DYM: variants seen among roughly 807,000 people sequenced by gnomAD.
DYM encodes the protein dymeclin.
In DYM, 78 loss-of-function variants were observed where a neutral mutation model predicts 93.1. That is an observed-to-expected ratio of 0.84 (90% CI 0.70 to 1.01). DYM has a LOEUF of 1.01. DYM is among the 50% of genes least tolerant of loss of function. The pLI is 0.00. For missense variants in DYM, 789 were observed against 845.0 expected (o/e 0.93, Z 0.82); for synonymous variants, 321 against 319.7 (o/e 1.00, Z -0.04).
intron 15 of DYM, among the ~76,000 whole-genome samples, chr18:49,136,085 G>A (rs181441638): frequency 3.3e-5 from 5 of 152,362 alleles, no homozygotes; most frequent in East Asian, 1.9e-4. Context: ...ATTAGAGCAA[G>A]GGATCACTGA....
intron 2 of DYM, among the ~76,000 whole-genome samples, chr18:49,425,528 G>T (rs1407862722): frequency 1.3e-5 from 2 of 152,040 alleles, no homozygotes; most frequent in Non-Finnish European, 2.9e-5. Context: ...GGCAACAAAA[G>T]CCAAAATTGA....
intron 15 of DYM, among the ~76,000 whole-genome samples, chr18:49,132,025 T>C (rs974373043): frequency 1.5e-4 from 23 of 152,334 alleles, no homozygotes; most frequent in African/African-American, 5.5e-4. Flanking sequence ...TTTTAACACA[T>C]TGCCAACAGC....
At chr18:49,441,311 A>AATTATATTAT (rs1568455312) in intron 1 of DYM, among the ~76,000 whole-genome samples, 3 of 34,382 alleles carry the variant, frequency 8.7e-5, no homozygotes, top group African/African-American at 1.8e-4. Context: ...ATATATAATT[A>AATTATATTAT]ATATATAATT....
rs969816483 is a variant in DYM at position 49,379,584 on chromosome 18, C to T, written c.287+81G>A. ...CTTCACAGAGATTTTCAAAAGACCA[C>T]AGTCCATTTCCATCAATAAATGAAA... On this transcript the variant is annotated intron_variant, in intron 4 of 17. Coordinates refer to ENST00000675505, the MANE Select transcript of DYM (RefSeq NM_001353214.3). The T allele has an allele frequency of 9.5e-5, 112 of 1,174,320 alleles. No homozygotes were observed. The East Asian group carries it at 2.6e-3, about 27-fold the overall frequency. The allele number at this position is 1,174,320 out of a possible 1,614,324, so 72.7% of individuals were successfully genotyped here.
chr18:49,382,102 C>T (rs993736953), intron 3 of DYM, among the ~76,000 whole-genome samples: 1 of 151,986 alleles, frequency 6.6e-6, no homozygotes, highest in Middle Eastern at 3.2e-3. Context: ...ACTGAATGGC[C>T]TTGTAATTGT....
chr18:49,373,859 C>T lies in DYM; in HGVS notation c.421+4708G>A, dbSNP rs143387242. Among the ~76,000 whole-genome samples, 441 of 152,262 alleles carry T rather than the reference C, an allele frequency of 2.9e-3. 3 individuals are homozygous for T. Among genetic ancestry groups the T allele is most frequent in the African/African-American group, 0.01 (424 of 41,544 alleles). On this transcript the variant is annotated intron_variant, in intron 5 of 17. Transcript: ENST00000675505. The stretch of plus-strand genomic sequence containing the variant: ...CACTCCATTCTTGCTGCTAGCACTT[C>T]ATGGGAAGGTTTGCAACTTACCAAG...
intron 14 of DYM, among the ~76,000 whole-genome samples, chr18:49,174,683 G>A (rs996630431): frequency 1.3e-5 from 2 of 152,058 alleles, no homozygotes. Context: ...TATTCCCTAG[G>A]ATTTTACTAA....
At position 49,097,515 on chromosome 18, in the gene DYM, C is replaced by A; in HGVS notation, c.1912G>T (p.Val638Leu). Reference protein sequence around the residue: ...FQDIMQNIDLVISFFSSRLLQ... With the variant: ...FQDIMQNIDLLISFFSSRLLQ... ...AACCTTGAGCTAAAGAAGGAGATCA[C>A]CTGTAATGTAAAGTGTTATTTTTTA... The change falls in exon 17 of 18, where the codon GTG (valine) becomes TTG (leucine). Residue 638 changes from valine (V) to leucine (L), a missense_variant and splice_region_variant. By Grantham distance (32) the Val-to-Leu change is conservative. This residue lies in a region of DYM where 114 missense variants were observed against 105.8 expected (regional missense o/e 1.08). Coordinates refer to ENST00000675505, the MANE Select transcript of DYM (RefSeq NM_001353214.3). The A allele has an allele frequency of 6.2e-7, 1 of 1,613,132 alleles. No individual in the cohort carries two copies. Among genetic ancestry groups the A allele is most frequent in the South Asian group, 1.1e-5 (1 of 91,040 alleles).
At chr18:49,209,413 T>TA (rs897613924) in intron 14 of DYM, 138 bp downstream of exon 14, 12 of 555,470 alleles carry the variant, frequency 2.2e-5, no homozygotes, top group Admixed American at 1.5e-4. Flanking sequence ...GCTATTATTT[T>TA]AAAAAAATTA....
intron 17 of DYM, among the ~76,000 whole-genome samples, chr18:49,063,624 T>C (rs1447551881): frequency 1.9e-4 from 27 of 142,912 alleles, no homozygotes; most frequent in African/African-American, 3.4e-4. Context: ...TCTCTCTTTT[T>C]TTTTTTTTTT....
At chr18:49,118,353 AT>A (rs2082093321) in intron 16 of DYM, among the ~76,000 whole-genome samples, 1 of 152,198 alleles carries the variant, frequency 6.6e-6, no homozygotes, top group Non-Finnish European at 1.5e-5. Context: ...TTCATTATGA[AT>A]TGATATAAAA....
intron 1 of DYM, among the ~76,000 whole-genome samples, chr18:49,445,133 CTT>C (rs1434417884): frequency 2.0e-5 from 3 of 152,116 alleles, no homozygotes; most frequent in Admixed American, 6.5e-5. Context: ...TGTTTTCTCT[CTT>C]GTTATGTAAG....
At chr18:49,222,714 TG>T (rs2093409015) in intron 13 of DYM, among the ~76,000 whole-genome samples, 1 of 152,166 alleles carries the variant, frequency 6.6e-6, no homozygotes, top group Non-Finnish European at 1.5e-5. Flanking sequence ...ACTCTAGTTT[TG>T]AAAATTAAAT....
chr18:49,376,059 G>T (rs1010760549), intron 5 of DYM, among the ~76,000 whole-genome samples: 2 of 152,108 alleles, frequency 1.3e-5, no homozygotes, highest in Admixed American at 1.3e-4. Flanking sequence ...GACTCAAACT[G>T]GCTTCCTTGC....
chr18:49,442,811 T>G (rs2081763285), intron 1 of DYM, among the ~76,000 whole-genome samples: 1 of 152,060 alleles, frequency 6.6e-6, no homozygotes, highest in East Asian at 1.9e-4. Flanking sequence ...AATTGGCAAA[T>G]TACAGCCCAA....
intron 1 of DYM, among the ~76,000 whole-genome samples, chr18:49,448,865 C>T (rs1006583658): frequency 2.0e-5 from 3 of 152,214 alleles, no homozygotes; most frequent in Non-Finnish European, 4.4e-5. Flanking sequence ...CCTTTGCAAG[C>T]GTTACAGAAT....
At chr18:49,250,203 T>C (rs1446161218) in intron 13 of DYM, among the ~76,000 whole-genome samples, 2 of 152,226 alleles carry the variant, frequency 1.3e-5, no homozygotes, top group East Asian at 1.9e-4. Context: ...TAAAAGTCTA[T>C]TGTGTGCCTA....
chr18:49,397,398 G>A (rs1230191606), intron 2 of DYM, among the ~76,000 whole-genome samples: 1 of 152,122 alleles, frequency 6.6e-6, no homozygotes. Context: ...TATTTTTACA[G>A]ATAAGCAAAC....
chr18:49,409,788 AG>A (rs1490697433), intron 2 of DYM, among the ~76,000 whole-genome samples: 2 of 152,226 alleles, frequency 1.3e-5, no homozygotes, highest in Non-Finnish European at 2.9e-5. Context: ...AATATGCAAG[AG>A]GTATTTACAA....
Sources: allele counts gnomAD v4.1 joint callset (sites outside exome capture counted in the v4.1 genomes callset), GRCh38; gene constraint gnomAD v4.1.1; regional missense constraint gnomAD v4.1.1; transcripts MANE v1.5; gene names NCBI Gene and HGNC (gene_info 2026-07-23, HGNC 2026-07-21).